The following PCSK6 variants were observed in gnomAD, a reference collection of about 807,000 sequenced individuals.
PCSK6 encodes proprotein convertase subtilisin/kexin type 6, also known as paired basic amino acid cleaving enzyme 4.
In PCSK6, 85 loss-of-function variants were observed where a neutral mutation model predicts 123.3. The observed-to-expected ratio is 0.69, with a 90% confidence interval of 0.58 to 0.83. The LOEUF (loss-of-function observed/expected upper bound fraction) is 0.83, where lower values mean the gene tolerates loss of function less well. Ranked by LOEUF, PCSK6 falls within the 40% of genes least tolerant of loss-of-function variation. PCSK6 has a pLI of 0.00. For synonymous variants in PCSK6, 508 were observed against 516.0 expected, an observed-to-expected ratio of 0.98 and a Z score of 0.21; for missense variants, 1,191 against 1,282.3, an observed-to-expected ratio of 0.93 and a Z score of 1.09.
At chr15:101,320,265 T>G (rs1370784731) in intron 18 of PCSK6, among the ~76,000 whole-genome samples, 1 of 152,082 alleles carries the variant, frequency 6.6e-6, no homozygotes, top group Non-Finnish European at 1.5e-5. Context: ...TTTTTATTTT[T>G]AGTAGAGACA....
intron 13 of PCSK6, among the ~76,000 whole-genome samples, chr15:101,340,982 C>T (rs1351520781): frequency 1.3e-5 from 2 of 148,806 alleles, no homozygotes; most frequent in Admixed American, 6.7e-5. Flanking sequence ...GTCACCCAGG[C>T]TGGAGTGTAG....
intron 1 of PCSK6, among the ~76,000 whole-genome samples, chr15:101,477,832 G>A (rs544316416): frequency 2.6e-5 from 4 of 152,322 alleles, no homozygotes; most frequent in African/African-American, 9.6e-5. Context: ...GCAGAAAGGA[G>A]GGTATCCAAG....
At chr15:101,426,255 A>G (rs556480161) in intron 6 of PCSK6, among the ~76,000 whole-genome samples, 5 of 152,326 alleles carry the variant, frequency 3.3e-5, no homozygotes, top group East Asian at 3.9e-4. Flanking sequence ...CATCCTCATA[A>G]CAAAACTGGG....
At chr15:101,416,464 A>C (rs1309757718) in intron 6 of PCSK6, among the ~76,000 whole-genome samples, 1 of 152,264 alleles carries the variant, frequency 6.6e-6, no homozygotes, top group Non-Finnish European at 1.5e-5. Context: ...ATGCAGTAGA[A>C]AAGAAAATCC....
At chr15:101,347,144 G>A (rs910302365) in intron 13 of PCSK6, 6 of 1,231,764 alleles carry the variant, frequency 4.9e-6, no homozygotes, top group Non-Finnish European at 5.1e-6. Flanking sequence ...AGAAATGAGA[G>A]TTTAGTGACA....
chr15:101,368,202 C>A (rs2041458392), intron 12 of PCSK6, among the ~76,000 whole-genome samples: 2 of 152,158 alleles, frequency 1.3e-5, no homozygotes, highest in Non-Finnish European at 2.9e-5. Flanking sequence ...AGGACCTGCC[C>A]TCTATTATCC....
chr15:101,389,441 GA>G (rs2042160907), intron 9 of PCSK6, 22 bp downstream of exon 9: 12 of 1,534,804 alleles, frequency 7.8e-6, no homozygotes, highest in Non-Finnish European at 1.1e-5. Context: ...TTTTTTTTTA[GA>G]AAAAGGTAAG....
At chr15:101,338,048 T>C (rs890772233) in intron 13 of PCSK6, among the ~76,000 whole-genome samples, 2 of 152,242 alleles carry the variant, frequency 1.3e-5, no homozygotes, top group Non-Finnish European at 2.9e-5. Flanking sequence ...TATCTTGAAC[T>C]GTAAACTTAT....
At chr15:101,433,337 T>A (rs909998500) in intron 2 of PCSK6, among the ~76,000 whole-genome samples, 1 of 152,208 alleles carries the variant, frequency 6.6e-6, no homozygotes, top group Non-Finnish European at 1.5e-5. Context: ...CTGGAAAAAC[T>A]TTTTCATTTT....
chr15:101,393,174 A>C lies in PCSK6; in HGVS notation c.1209+38T>G, dbSNP rs535412975. ...AAACTCATTCCCAGAGGGCTGAGGCACTCACTGTAAGCACTCCAACTTGCC... is the reference window on the plus strand; with the variant it reads ...AAACTCATTCCCAGAGGGCTGAGGCCCTCACTGTAAGCACTCCAACTTGCC... On this transcript the variant is annotated intron_variant, in intron 8 of 21. Coordinates refer to ENST00000611716, the MANE Select transcript of PCSK6 (RefSeq NM_002570.5). 10 of 1,471,286 alleles carry C rather than the reference A, an allele frequency of 6.8e-6. No homozygotes were observed. The South Asian group carries it at 1.1e-4, about 16-fold the overall frequency. 91.1% of individuals were successfully genotyped at this position (1,471,286 alleles called of 1,614,324 possible).
intron 1 of PCSK6, among the ~76,000 whole-genome samples, chr15:101,445,582 C>CA (rs1342964985): frequency 1.3e-5 from 2 of 152,146 alleles, no homozygotes; most frequent in African/African-American, 2.4e-5. Context: ...TTAACTGCCA[C>CA]ACGTGTCAAA....
intron 1 of PCSK6, among the ~76,000 whole-genome samples, chr15:101,449,236 T>C (rs1355872133): frequency 6.6e-6 from 1 of 152,240 alleles, no homozygotes; most frequent in African/African-American, 2.4e-5. Flanking sequence ...TAATACCTAA[T>C]ACAATGTAAA....
At chr15:101,436,483 T>C (rs2056605234) in intron 2 of PCSK6, among the ~76,000 whole-genome samples, 1 of 152,198 alleles carries the variant, frequency 6.6e-6, no homozygotes, top group Non-Finnish European at 1.5e-5. Context: ...TACTTTATTC[T>C]GTAACTGTGA....
intron 13 of PCSK6, among the ~76,000 whole-genome samples, chr15:101,348,144 C>T (rs1009773339): frequency 6.7e-5 from 10 of 150,330 alleles, no homozygotes; most frequent in Admixed American, 5.4e-4. Context: ...CCACAACCCC[C>T]GCCCCCCCGG....
intron 10 of PCSK6, among the ~76,000 whole-genome samples, chr15:101,383,045 T>TA (rs373267721): frequency 0.014 from 2,059 of 151,668 alleles, 37 homozygotes; most frequent in Middle Eastern, 0.041. Flanking sequence ...CAGAAAAGGT[T>TA]AAAAAAAAAT....
chr15:101,403,671 GAAAAT>G, intron 6 of PCSK6, among the ~76,000 whole-genome samples: 1 of 152,140 alleles, frequency 6.6e-6, no homozygotes, highest in East Asian at 1.9e-4. Flanking sequence ...CTTCTCAGAG[GAAAAT>G]GATCAGAATT....
At chr15:101,307,185 G>T (rs370208375) in intron 21 of PCSK6, 28 bp downstream of exon 21, 14 of 1,550,158 alleles carry the variant, frequency 9.0e-6, no homozygotes, top group African/African-American at 2.7e-5. Flanking sequence ...TCCACAGGCA[G>T]CCCCAGGGTA....
At chr15:101,463,011 G>A (rs1335004759) in intron 1 of PCSK6, 2 of 459,786 alleles carry the variant, frequency 4.3e-6, no homozygotes, top group East Asian at 6.7e-5. Context: ...CGTGTTGGGA[G>A]AGTTGTCTCT....
At chr15:101,415,329 G>A (rs1022247951) in intron 6 of PCSK6, among the ~76,000 whole-genome samples, 7 of 152,274 alleles carry the variant, frequency 4.6e-5, no homozygotes, top group Admixed American at 3.3e-4. Context: ...GCCACCCGGG[G>A]ACGGGTAGAC....
Sources: gnomAD v4.1 joint callset for allele counts (sites outside exome capture counted in the v4.1 genomes callset) on GRCh38, gnomAD v4.1.1 for gene constraint, MANE v1.5 for transcripts, NCBI Gene and HGNC (gene_info 2026-07-23, HGNC 2026-07-21) for gene names.